The following GYS1 variants were observed in gnomAD, a reference collection of about 807,000 sequenced individuals.
GYS1 encodes glycogen [starch] synthase, muscle.
Under a neutral mutation model 89.1 loss-of-function variants are expected in GYS1, and 60 were observed. That is an observed-to-expected ratio of 0.67 (90% confidence interval 0.55 to 0.84). GYS1 has a LOEUF of 0.84. GYS1 is among the 40% of genes least tolerant of loss of function. The probability of loss-of-function intolerance (pLI) is 0.00; values close to 1 mark genes in which losing one functional copy is unlikely to be tolerated. For missense variants in GYS1, 888 were observed against 1,003.1 expected, an observed-to-expected ratio of 0.89 and a Z score of 1.55; for synonymous variants, 366 against 401.7, an observed-to-expected ratio of 0.91 and a Z score of 1.06.
Position 48,985,535 on chromosome 19 carries a change from TGGG to T in GYS1, c.746_748del (p.Ala249_His250delinsAsp). On this transcript the variant is annotated inframe_deletion, in exon 5 of 16. Transcript: ENST00000323798. ...CACAGTAGTGAAGACGTGAGCGCAG[TGGG>T]CTGCCGCCCTTTCCATGCAGTATCG... 2 of 1,614,060 alleles carry T rather than the reference TGGG, an allele frequency of 1.2e-6. No homozygotes were observed. Among genetic ancestry groups the T allele is most frequent in the Non-Finnish European group, 1.7e-6 (2 of 1,179,940 alleles).
Position 48,968,705 on chromosome 19 carries a change from G to T in GYS1, c.*583C>A, listed in dbSNP as rs1042772614. 6.6e-6 allele frequency: 3 copies of T among 454,142 alleles called. No homozygotes were observed. In the Admixed American group the frequency reaches 7.0e-5, roughly 11 times the overall value. The allele number at this position is 454,142 out of a possible 1,614,324, so 28.1% of individuals were successfully genotyped here. ...TGGAGGGATCCTCCAGGCAGAGCCT[G>T]GCTCTGACATGCCAGGGAGGGCTAG... On this transcript the variant is annotated 3_prime_UTR_variant, in exon 16 of 16. Coordinates refer to ENST00000323798, the MANE Select transcript of GYS1 (RefSeq NM_002103.5).
chr19:48,974,423 A>C (rs2038613401), intron 11 of GYS1, 84 bp from the exon 12 acceptor site: 2 of 1,456,080 alleles, frequency 1.4e-6, no homozygotes, highest in Non-Finnish European at 1.9e-6. Context: ...GAGGGTAAAA[A>C]GCTTGTCTAG....
In GYS1 at chr19:48,991,493, C is replaced by G. The variant is rs770878298; in HGVS notation, c.119-10G>C. On this transcript the variant is annotated splice_polypyrimidine_tract_variant and intron_variant, in intron 1 of 15. Coordinates refer to ENST00000323798, the MANE Select transcript of GYS1 (RefSeq NM_002103.5). This position sits in a 1 kb window ranked among gnomAD's most constrained non-coding sequence, Gnocchi z 4.7. ...GTGTAGATGCCACCCACTGTGGGCCCAAGCGTGTGAGGGCAGGCCCCGGCC... is the reference window on the plus strand; with the variant it reads ...GTGTAGATGCCACCCACTGTGGGCCGAAGCGTGTGAGGGCAGGCCCCGGCC... 6.2e-7 allele frequency: 1 copy of G among 1,609,232 alleles called. No homozygotes were observed. Among genetic ancestry groups the G allele is most frequent in the Non-Finnish European group, 8.5e-7 (1 of 1,177,128 alleles).
chr19:48,984,917 A>G (rs1031082350), intron 5 of GYS1, among the ~76,000 whole-genome samples: 5 of 152,038 alleles, frequency 3.3e-5, no homozygotes, highest in African/African-American at 1.2e-4. Context: ...AATAAAACAG[A>G]TTTGTATTGG....
chr19:48,985,662 T>A, intron 4 of GYS1, 57 bp from the exon 5 acceptor site: 1 of 1,596,218 alleles, frequency 6.3e-7, no homozygotes, highest in Non-Finnish European at 8.6e-7. Flanking sequence ...ACTCTGGAGG[T>A]CCAGACACTG....
intron 8 of GYS1, among the ~76,000 whole-genome samples, chr19:48,980,853 G>A (rs1339489089): frequency 6.6e-6 from 1 of 151,338 alleles, no homozygotes; most frequent in East Asian, 2.0e-4. Flanking sequence ...GGTGGCTCAC[G>A]CCTGGAATCC....
chr19:48,986,159 C>A lies in GYS1; in HGVS notation c.493-124G>T, dbSNP rs145511157. 1.8e-3 allele frequency: 1,560 copies of A among 847,966 alleles called. 1 individual carries two copies. Among genetic ancestry groups the A allele is most frequent in the Non-Finnish European group, 2.6e-3 (1,329 of 519,528 alleles). 52.5% of individuals were successfully genotyped at this position (847,966 alleles called of 1,614,324 possible). On this transcript the variant is annotated intron_variant, in intron 3 of 15. Transcript: ENST00000323798. ...CACCACTACTGCACAGAGTGGGCAG[C>A]GGCCCACTGCAGCAATCCCAACCGG... is the stretch of plus-strand genomic sequence containing the variant.
chr19:48,968,161 A>T lies in GYS1; in HGVS notation c.*1127T>A, dbSNP rs1321356746. 4.4e-6 allele frequency: 2 copies of T among 450,670 alleles called. No individual in the cohort carries two copies. Among genetic ancestry groups the T allele is most frequent in the Admixed American group, 2.4e-5 (1 of 41,840 alleles). 27.9% of individuals were successfully genotyped at this position (450,670 alleles called of 1,614,324 possible). ...AATATAGATGTATTTTTTTCATCTC[A>T]TCTCCGGACACACTCCAATCACACC... On this transcript the variant is annotated 3_prime_UTR_variant, in exon 16 of 16. Coordinates refer to ENST00000323798, the MANE Select transcript of GYS1 (RefSeq NM_002103.5).
At position 48,974,725 on chromosome 19, in the gene GYS1, A is replaced by G; in HGVS notation, c.1317T>C (p.Ser439=). The G allele has an allele frequency of 6.2e-7, 1 of 1,610,348 alleles. No individual in the cohort carries two copies. Residue 439 remains serine (S), a synonymous_variant, in exon 11 of 16, where the codon TCT becomes TCC. Transcript: ENST00000323798. The part of the protein sequence containing the change: ...KRAIFATQRQ[S]FPPVCTHNML... ...TATTGTGGGTGCACACAGGGGGGAA[A>G]GACTGCCGCTGCAGGAGCCACAAGA...
At position 48,978,097 on chromosome 19, in the gene GYS1, C is replaced by T. The variant is rs111911126; in HGVS notation, c.1229+1G>A. The T allele has an allele frequency of 1.2e-6, 2 of 1,613,624 alleles. No homozygotes were observed. Among genetic ancestry groups the T allele is most frequent in the Non-Finnish European group, 1.7e-6 (2 of 1,179,542 alleles). ...CACAGGGCTGAGGGTGGGGCACTCA[C>T]ACCAGTAAGGATTCATAAAGCTTCC... On this transcript the variant is annotated splice_donor_variant, in intron 9 of 15. Coordinates refer to ENST00000323798, the MANE Select transcript of GYS1 (RefSeq NM_002103.5). LOFTEE classifies it high-confidence loss of function.
At chr19:48,986,629 A>G (rs1002933135) in intron 3 of GYS1, among the ~76,000 whole-genome samples, 3 of 151,672 alleles carry the variant, frequency 2.0e-5, no homozygotes, top group African/African-American at 7.3e-5. Context: ...CAGCCTCCCA[A>G]GTAGCTGGGA....
At position 48,985,491 on chromosome 19, in the gene GYS1, C is replaced by T. The variant is rs138606563; in HGVS notation, c.793G>A (p.Glu265Lys). The change falls in exon 5 of 16, where the codon GAG becomes AAG. Residue 265 changes from glutamate to lysine, a missense_variant. By Grantham distance (56) the Glu-to-Lys change is moderately conservative (BLOSUM62 1). Coordinates refer to ENST00000323798, the MANE Select transcript of GYS1 (RefSeq NM_002103.5). ...FTTVSQITAIEAQHLLKRKPD... is the reference protein window; with the variant it reads ...FTTVSQITAIKAQHLLKRKPD... ...TTCCTCTTGAGCAAGTGCTGTGCCT[C>T]GATGGCGGTGATCTGGGACACAGTA... The T allele has an allele frequency of 2.6e-5, 42 of 1,613,898 alleles. No homozygotes were observed. Among genetic ancestry groups the T allele is most frequent in the Admixed American group, 5.0e-5 (3 of 60,002 alleles).
intron 13 of GYS1, 26 bp downstream of exon 13, chr19:48,970,902 G>A (rs1365095355): frequency 6.4e-7 from 1 of 1,571,842 alleles, no homozygotes; most frequent in Non-Finnish European, 8.8e-7. Flanking sequence ...CCCCCTTCCA[G>A]AATCCTCAGG....
At chr19:48,977,814 G>T (rs41275774) in intron 10 of GYS1, 110 bp downstream of exon 10, 8,883 of 811,874 alleles carry the variant, frequency 0.011, 90 homozygotes, top group Middle Eastern at 0.029. Context: ...ATAAAGGGCT[G>T]CAGGAGAAAG....
intron 12 of GYS1, among the ~76,000 whole-genome samples, chr19:48,971,232 C>T (rs2038561109): frequency 6.6e-6 from 1 of 152,318 alleles, no homozygotes; most frequent in Middle Eastern, 3.4e-3. Flanking sequence ...ATTACTTGCT[C>T]TTGCTCCAAG....
At position 48,991,463 on chromosome 19, in the gene GYS1, G is replaced by C. The variant is rs1457086734; in HGVS notation, c.139C>G (p.Leu47Val). 6.2e-7 allele frequency: 1 copy of C among 1,613,512 alleles called. No homozygotes were observed. The highest frequency in any genetic ancestry group is 1.7e-5 in the Admixed American group (1 of 60,012). The change falls in exon 2 of 16, where the codon CTG (leucine) becomes GTG (valine). Residue 47 changes from leucine (L) to valine (V), a missense_variant. By Grantham distance (32) the Leu-to-Val change is conservative. Coordinates refer to ENST00000323798, the MANE Select transcript of GYS1 (RefSeq NM_002103.5). The surrounding 1 kb of genome is among the most constrained non-coding windows in gnomAD (Gnocchi z 4.7). ...CCTGTCACCTTCGCCTTCGTCTGCA[G>C]CACCGTGTAGATGCCACCCACTGTG... ...ANKVGGIYTV[L>V]QTKAKVTGDE... is the part of the protein sequence containing the mutation.
At chr19:48,987,562 CTATT>C (rs774631353) in intron 2 of GYS1, among the ~76,000 whole-genome samples, 177 bp from the exon 3 acceptor site, 1 of 152,198 alleles carries the variant, frequency 6.6e-6, no homozygotes, top group Non-Finnish European at 1.5e-5. Flanking sequence ...CCTTACTTCT[CTATT>C]TGCATGATTT....
At chr19:48,982,463 G>C (rs1360755673) in intron 6 of GYS1, 88 bp from the exon 7 acceptor site, 6 of 1,479,642 alleles carry the variant, frequency 4.1e-6, no homozygotes, top group East Asian at 2.3e-5. Flanking sequence ...GCTATGGGTG[G>C]GGGGGCAGAG....
At chr19:48,989,219 C>A (rs772124638) in intron 2 of GYS1, among the ~76,000 whole-genome samples, 1 of 151,788 alleles carries the variant, frequency 6.6e-6, no homozygotes, top group South Asian at 2.1e-4. Flanking sequence ...CGGTGGCTCA[C>A]GCCTGTAATC....
Sources: allele counts gnomAD v4.1 joint callset (sites outside exome capture counted in the v4.1 genomes callset), GRCh38; gene constraint gnomAD v4.1.1; non-coding constraint Gnocchi (gnomAD v3.1); transcripts MANE v1.5; gene names NCBI Gene and HGNC (gene_info 2026-07-23, HGNC 2026-07-21).